KCNJ3: variants seen among roughly 807,000 people sequenced by gnomAD.
KCNJ3 encodes G protein-activated inward rectifier potassium channel 1.
In KCNJ3, 4 loss-of-function variants were observed where a neutral mutation model predicts 39.2. That is an observed-to-expected ratio of 0.10 (90% CI 0.05 to 0.23). The LOEUF is 0.23. Among genes scored for constraint, KCNJ3 ranks in the 10% least tolerant of loss-of-function variants. The pLI, the probability that KCNJ3 is intolerant of heterozygous loss-of-function variation, is 1.00. For missense variants in KCNJ3, 276 were observed against 634.9 expected (o/e 0.43, Z 6.08); for synonymous variants, 230 against 237.4 (o/e 0.97, Z 0.29).
rs70983747 is a variant in KCNJ3 at position 154,857,886 on chromosome 2, CAAAAAAAAAAA to C, written c.*2604_*2614del. ...ACAGTGCGAGACTCCATCTCAACAT[CAAAAAAAAAAA>C]AAAAAAAAAAAAAAAAAAAAAAAAA... On this transcript the variant is annotated 3_prime_UTR_variant, in exon 3 of 3. Coordinates refer to ENST00000295101, the MANE Select transcript of KCNJ3 (RefSeq NM_002239.4). The C allele has an allele frequency of 3.3e-4, 14 of 41,970 alleles. No homozygotes were observed. Among genetic ancestry groups the C allele is most frequent in the Non-Finnish European group, 4.5e-4 (11 of 24,258 alleles). 2.6% of individuals were successfully genotyped at this position (41,970 alleles called of 1,614,324 possible). A position where few individuals can be genotyped will look rare whatever the true frequency, so the allele number is the denominator to read the frequency against.
At chr2:154,713,140 T>G (rs1279862400) in intron 2 of KCNJ3, among the ~76,000 whole-genome samples, 1 of 152,038 alleles carries the variant, frequency 6.6e-6, no homozygotes, top group Non-Finnish European at 1.5e-5. Context: ...AGGATTTCAT[T>G]AAAAAGCAGA....
chr2:154,737,555 T>C (rs551616523), intron 2 of KCNJ3, among the ~76,000 whole-genome samples: 1 of 152,186 alleles, frequency 6.6e-6, no homozygotes, highest in Non-Finnish European at 1.5e-5. Flanking sequence ...ATTAAAACTA[T>C]ATTCCTTATG....
At chr2:154,815,711 TCTTTA>T (rs1687073315) in intron 2 of KCNJ3, among the ~76,000 whole-genome samples, 1 of 152,230 alleles carries the variant, frequency 6.6e-6, no homozygotes, top group Non-Finnish European at 1.5e-5. Flanking sequence ...ATAAGCAGAC[TCTTTA>T]CTTGTTCCCT....
At chr2:154,810,061 TC>T (rs1432780057) in intron 2 of KCNJ3, among the ~76,000 whole-genome samples, 1 of 106,666 alleles carries the variant, frequency 9.4e-6, no homozygotes, top group Non-Finnish European at 2.3e-5. Context: ...TTAATATTGT[TC>T]CTCTCTCTCT....
At chr2:154,736,615 C>T (rs1028711626) in intron 2 of KCNJ3, among the ~76,000 whole-genome samples, 2 of 151,772 alleles carry the variant, frequency 1.3e-5, no homozygotes, top group African/African-American at 2.4e-5. Context: ...TAAAGAGCAA[C>T]GAATGTGGGG....
At chr2:154,843,959 C>T (rs373188499) in intron 2 of KCNJ3, among the ~76,000 whole-genome samples, 27 of 152,320 alleles carry the variant, frequency 1.8e-4, no homozygotes, top group African/African-American at 6.0e-4. Flanking sequence ...TCGTCAAAGT[C>T]GTTCTCCATC....
chr2:154,709,689 T>C lies in KCNJ3; in HGVS notation c.789T>C (p.Phe263=), dbSNP rs1234705071. The C allele has an allele frequency of 6.2e-7, 1 of 1,613,974 alleles. No homozygotes were observed. The highest frequency in any genetic ancestry group is 8.5e-7 in the Non-Finnish European group (1 of 1,179,922). ...VGFSTGADQL[F]LVSPLTICHV... is the part of the protein sequence containing the mutation. ...TTAGTACAGGGGCAGATCAACTTTT[T>C]CTTGTGTCCCCCCTCACAATTTGCC... The change falls in exon 2 of 3, where the codon TTT becomes TTC. Residue 263 remains phenylalanine (F), a synonymous_variant. Transcript: ENST00000295101.
intron 2 of KCNJ3, among the ~76,000 whole-genome samples, chr2:154,711,886 G>T (rs1053457834): frequency 6.6e-6 from 1 of 152,008 alleles, no homozygotes; most frequent in Non-Finnish European, 1.5e-5. Context: ...TCCCCCTCCT[G>T]CCTAAAAAGA....
intron 2 of KCNJ3, among the ~76,000 whole-genome samples, chr2:154,841,250 A>C (rs1390787183): frequency 6.6e-6 from 1 of 152,164 alleles, no homozygotes; most frequent in Non-Finnish European, 1.5e-5. Context: ...TGATTTGCAT[A>C]TGTTGAACCA....
rs1686458440 is a variant in KCNJ3, at chr2:154,782,664, A to G, written c.920-72063A>G. On this transcript the variant is annotated intron_variant, in intron 2 of 2. Transcript: ENST00000295101. ...TGCTTGTCTAGTGCCATGCATGACA[A>G]TAATAAAGTGTTCTCTCTGTGAAAA... is the stretch of plus-strand genomic sequence containing the variant. Among the ~76,000 whole-genome samples, 3 of 152,138 alleles carry G rather than the reference A, an allele frequency of 2.0e-5. No individual in the cohort carries two copies. The South Asian group carries it at 6.2e-4, about 31-fold the overall frequency.
intron 2 of KCNJ3, among the ~76,000 whole-genome samples, chr2:154,736,616 G>A (rs888880221): frequency 4.6e-5 from 7 of 152,058 alleles, no homozygotes; most frequent in African/African-American, 1.7e-4. Context: ...AAAGAGCAAC[G>A]AATGTGGGGA....
chr2:154,746,329 G>A (rs1268939558), intron 2 of KCNJ3, among the ~76,000 whole-genome samples: 1 of 151,702 alleles, frequency 6.6e-6, no homozygotes, highest in African/African-American at 2.4e-5. Flanking sequence ...GTGCCTGCAT[G>A]GTAAGTTGGC....
intron 2 of KCNJ3, among the ~76,000 whole-genome samples, chr2:154,735,365 C>T (rs1379261471): frequency 2.0e-5 from 3 of 151,754 alleles, no homozygotes; most frequent in Non-Finnish European, 4.4e-5. Context: ...CCGTCCGCCT[C>T]GGCATCCCAA....
At chr2:154,765,506 T>C (rs1686119040) in intron 2 of KCNJ3, among the ~76,000 whole-genome samples, 1 of 152,222 alleles carries the variant, frequency 6.6e-6, no homozygotes, top group Non-Finnish European at 1.5e-5. Flanking sequence ...CATACTGCCT[T>C]GCACATAGTT....
At chr2:154,853,302 T>C (rs536058532) in intron 2 of KCNJ3, among the ~76,000 whole-genome samples, 1 of 152,108 alleles carries the variant, frequency 6.6e-6, no homozygotes, top group Non-Finnish European at 1.5e-5. Context: ...TAACAGAATA[T>C]TCATAAGGCA....
At chr2:154,838,705 AACATTGTAAAGCATG>A (rs1261922206) in intron 2 of KCNJ3, among the ~76,000 whole-genome samples, 1 of 137,344 alleles carries the variant, frequency 7.3e-6, no homozygotes. Context: ...ATATAAATGT[AACATTGTAAAGCATG>A]ACATTGTAAA....
Position 154,699,468 on chromosome 2 carries a change from G to A in KCNJ3, c.693G>A (p.Lys231=), listed in dbSNP as rs1232308981. ...TGGTCTCCGCGCAGATTCGCTGCAA[G>A]CTGCTCAAAGTAAGTGCTCCCCGCC... is the stretch of plus-strand genomic sequence containing the variant. ...SHMVSAQIRC[K]LLKSRQTPEG... is the part of the protein sequence containing the mutation. The change falls in exon 1 of 3, where the codon AAG becomes AAA. Residue 231 remains lysine, a synonymous_variant. Coordinates refer to ENST00000295101, the MANE Select transcript of KCNJ3 (RefSeq NM_002239.4). The surrounding 1 kb of genome is among the most constrained non-coding windows in gnomAD (Gnocchi z 6.4). 1.4e-5 allele frequency: 22 copies of A among 1,590,222 alleles called. No individual in the cohort carries two copies. The highest frequency in any genetic ancestry group is 1.8e-5 in the Non-Finnish European group (21 of 1,174,476).
At chr2:154,734,766 T>C (rs1177684493) in intron 2 of KCNJ3, among the ~76,000 whole-genome samples, 1 of 151,982 alleles carries the variant, frequency 6.6e-6, no homozygotes, top group Non-Finnish European at 1.5e-5. Flanking sequence ...AAAAAAACAT[T>C]GAGAGTGAGG....
chr2:154,847,591 T>TTTC (rs3084435), intron 2 of KCNJ3, among the ~76,000 whole-genome samples: 27,609 of 152,026 alleles, frequency 0.18, 3,229 homozygotes, highest in East Asian at 0.49. Context: ...TTCAGGATTT[T>TTTC]TTCTTCTGTG....
Sources: gnomAD v4.1 joint callset for allele counts (sites outside exome capture counted in the v4.1 genomes callset) on GRCh38, gnomAD v4.1.1 for gene constraint, Gnocchi (gnomAD v3.1) non-coding constraint, MANE v1.5 for transcripts, NCBI Gene and HGNC (gene_info 2026-07-23, HGNC 2026-07-21) for gene names.